Variants in LRRC7 observed in about 807,000 individuals in gnomAD.
LRRC7 encodes the protein leucine rich repeat containing 7, also known as leucine-rich repeat-containing protein 7.
In LRRC7, 23 loss-of-function variants were observed where a neutral mutation model predicts 175.7. That is an observed-to-expected ratio of 0.13 (90% CI 0.09 to 0.19). The LOEUF (loss-of-function observed/expected upper bound fraction) is 0.19, where lower values mean the gene tolerates loss of function less well. Among genes scored for constraint, LRRC7 ranks in the 10% least tolerant of loss-of-function variants. The pLI is 1.00. For missense variants in LRRC7, 1,354 were observed against 1,904.7 expected (o/e 0.71, Z 5.38); for synonymous variants, 685 against 680.9 (o/e 1.01, Z -0.09).
chr1:70,143,155 T>A lies in LRRC7; in HGVS notation c.*21268T>A, dbSNP rs1667143156. The A allele has an allele frequency of 6.6e-6, 1 of 151,882 alleles. No individual in the cohort carries two copies. Among genetic ancestry groups the A allele is most frequent in the African/African-American group, 2.4e-5 (1 of 41,388 alleles). 9.4% of individuals were successfully genotyped at this position (151,882 alleles called of 1,614,324 possible). On this transcript the variant is annotated 3_prime_UTR_variant, in exon 27 of 27. Transcript: ENST00000651989. ...TTTAAGAAAAATTCCTAAGCAGTGATACAACTTTGGGTCGCTATTTTAGTA... is the reference window on the plus strand; with the variant it reads ...TTTAAGAAAAATTCCTAAGCAGTGAAACAACTTTGGGTCGCTATTTTAGTA...
At chr1:69,702,933 T>C (rs111923264) in intron 2 of LRRC7, among the ~76,000 whole-genome samples, 4 of 152,234 alleles carry the variant, frequency 2.6e-5, no homozygotes, top group African/African-American at 7.2e-5. Context: ...CAAACCATTA[T>C]TCAGATGTGT....
intron 2 of LRRC7, among the ~76,000 whole-genome samples, chr1:69,712,492 T>C (rs554068905): frequency 1.2e-3 from 183 of 151,908 alleles, no homozygotes; most frequent in Non-Finnish European, 2.0e-3. Context: ...TAATCCAAGC[T>C]ATTCAGGAGG....
intron 2 of LRRC7, among the ~76,000 whole-genome samples, chr1:69,709,102 T>A (rs1401590520): frequency 6.6e-6 from 1 of 152,246 alleles, no homozygotes; most frequent in Non-Finnish European, 1.5e-5. Context: ...ATTTGATTAG[T>A]GTCTGTCTTG....
chr1:69,573,954 T>C (rs1645840146), intron 1 of LRRC7, among the ~76,000 whole-genome samples: 1 of 152,162 alleles, frequency 6.6e-6, no homozygotes, highest in Non-Finnish European at 1.5e-5. Flanking sequence ...TTCTTAAAGA[T>C]GCAGTTTCTT....
chr1:69,946,639 A>G (rs1278237145), intron 8 of LRRC7, among the ~76,000 whole-genome samples: 1 of 151,748 alleles, frequency 6.6e-6, no homozygotes, highest in Non-Finnish European at 1.5e-5. Context: ...GAACCCCTTT[A>G]TCATTATATA....
At chr1:69,998,175 T>A (rs1454576413) in intron 11 of LRRC7, among the ~76,000 whole-genome samples, 1 of 152,192 alleles carries the variant, frequency 6.6e-6, no homozygotes, top group South Asian at 2.1e-4. Context: ...ACTGCACATA[T>A]TTAAAGTCTA....
intron 8 of LRRC7, among the ~76,000 whole-genome samples, chr1:69,951,609 T>TA (rs1250059683): frequency 3.3e-5 from 5 of 151,994 alleles, no homozygotes; most frequent in African/African-American, 1.2e-4. Context: ...TACGCATCCA[T>TA]AAAAAAGAAC....
At chr1:69,839,138 T>C in intron 7 of LRRC7, 1 of 192,976 alleles carries the variant, frequency 5.2e-6, no homozygotes, top group Non-Finnish European at 1.1e-5. Context: ...AAATGTAACC[T>C]TATTTTTTAC....
chr1:69,917,914 GA>G (rs1442453504), intron 7 of LRRC7, among the ~76,000 whole-genome samples: 137 of 152,228 alleles, frequency 9.0e-4, no homozygotes, highest in African/African-American at 3.2e-3. Flanking sequence ...CTCAACTTTA[GA>G]ATTACTCTTT....
intron 1 of LRRC7, among the ~76,000 whole-genome samples, chr1:69,586,014 T>C (rs1010259702): frequency 8.5e-5 from 13 of 152,328 alleles, no homozygotes; most frequent in African/African-American, 2.9e-4. Flanking sequence ...TCTGTAAATC[T>C]GTAAAGAATT....
chr1:69,607,991 T>A (rs1165766734), intron 1 of LRRC7: 1 of 152,442 alleles, frequency 6.6e-6, no homozygotes, highest in Admixed American at 6.6e-5. Flanking sequence ...TTGAGCACGA[T>A]CTTCTGTTTC....
In LRRC7 at chr1:70,143,983, G is replaced by T. The variant is rs1346053192; in HGVS notation, c.*22096G>T. On this transcript the variant is annotated 3_prime_UTR_variant, in exon 27 of 27. Transcript: ENST00000651989. ...ACATAGATCGTGAATGTACTTACTG[G>T]TTTTTTTGCAGTATGAGACCATAAC... The T allele has an allele frequency of 2.0e-5, 3 of 152,168 alleles. No individual in the cohort carries two copies. The highest frequency in any genetic ancestry group is 2.1e-4 in the South Asian group (1 of 4,820). 9.4% of individuals were successfully genotyped at this position (152,168 alleles called of 1,614,324 possible).
intron 8 of LRRC7, among the ~76,000 whole-genome samples, chr1:69,944,926 A>G (rs2101807381): frequency 6.6e-6 from 1 of 152,104 alleles, no homozygotes; most frequent in South Asian, 2.1e-4. Flanking sequence ...TCAGATATGT[A>G]GTTTGCAAAT....
chr1:69,973,920 G>C (rs1652539608), intron 8 of LRRC7, among the ~76,000 whole-genome samples: 1 of 152,162 alleles, frequency 6.6e-6, no homozygotes, highest in Non-Finnish European at 1.5e-5. Context: ...GTTTTAAAGA[G>C]AAAAAACACT....
intron 1 of LRRC7, among the ~76,000 whole-genome samples, chr1:69,594,582 C>T (rs146536318): frequency 9.7e-4 from 148 of 152,252 alleles, no homozygotes; most frequent in African/African-American, 3.4e-3. Flanking sequence ...TTTTCCCTCT[C>T]CTTCCATTCC....
At chr1:69,937,479 T>A (rs1648164978) in intron 8 of LRRC7, among the ~76,000 whole-genome samples, 1 of 152,074 alleles carries the variant, frequency 6.6e-6, no homozygotes, top group Non-Finnish European at 1.5e-5. Flanking sequence ...ACTTTTGCAT[T>A]TCTGAAATAC....
At chr1:69,706,156 A>G (rs1417372822) in intron 2 of LRRC7, among the ~76,000 whole-genome samples, 1 of 152,144 alleles carries the variant, frequency 6.6e-6, no homozygotes, top group Non-Finnish European at 1.5e-5. Flanking sequence ...GAAAGCATCT[A>G]CACAACCTTA....
At chr1:70,058,852 T>C (rs1337271440) in intron 23 of LRRC7, among the ~76,000 whole-genome samples, 1 of 152,232 alleles carries the variant, frequency 6.6e-6, no homozygotes, top group African/African-American at 2.4e-5. Context: ...TCTGATTTGG[T>C]CAAATCCTCT....
Position 70,048,263 on chromosome 1 carries a change from A to G in LRRC7, c.4110+4169A>G, listed in dbSNP as rs75603588. On this transcript the variant is annotated intron_variant, in intron 22 of 26. Transcript: ENST00000651989. ...GACAAGGATTTATTGAGAATCTACT[A>G]TGTACCTGGTGCTATGAGGTACTTT... Among the ~76,000 whole-genome samples, 552 of 152,236 alleles carry G rather than the reference A, an allele frequency of 3.6e-3. 4 individuals are homozygous for G. Among genetic ancestry groups the G allele is most frequent in the African/African-American group, 0.013 (524 of 41,554 alleles).
Sources: gnomAD v4.1 joint callset for allele counts (sites outside exome capture counted in the v4.1 genomes callset) on GRCh38, gnomAD v4.1.1 for gene constraint, MANE v1.5 for transcripts, NCBI Gene and HGNC (gene_info 2026-07-23, HGNC 2026-07-21) for gene names.